Variants in ZFHX3 observed in about 807,000 individuals in gnomAD.
ZFHX3 encodes the protein zinc finger homeobox protein 3.
In ZFHX3, 42 loss-of-function variants were observed where a neutral mutation model predicts 279.1. That is an observed-to-expected ratio of 0.15 (90% CI 0.12 to 0.19). The LOEUF (loss-of-function observed/expected upper bound fraction) is 0.19. ZFHX3 is among the 10% of genes least tolerant of loss of function. ZFHX3 has a pLI of 1.00. For synonymous variants in ZFHX3, 2,293 were observed against 1,957.8 expected (o/e 1.17, Z -4.52); for missense variants, 4,981 against 4,754.0 (o/e 1.05, Z -1.40).
At chr16:73,439,062 G>A (rs545201372) in intron 3 of ZFHX3, among the ~76,000 whole-genome samples, 1 of 152,264 alleles carries the variant, frequency 6.6e-6, no homozygotes, top group African/African-American at 2.4e-5. Flanking sequence ...GATACAACCT[G>A]GGGGGTTTTT....
rs1211961054 is a variant in ZFHX3 at position 73,010,596 on chromosome 16, T to C, written c.-50+37156A>G. The stretch of plus-strand genomic sequence containing the variant: ...TGACCTGCAGAACCAGGTTACCTCA[T>C]CTCAGCCTCCTCCTCTCAGGGGAGC... On this transcript the variant is annotated intron_variant, in intron 1 of 9. Coordinates refer to ENST00000268489, the MANE Select transcript of ZFHX3 (RefSeq NM_006885.4). Among the ~76,000 whole-genome samples, 3 of 152,148 alleles carry C rather than the reference T, an allele frequency of 2.0e-5. No individual in the cohort carries two copies. The East Asian group carries it at 5.8e-4, about 29-fold the overall frequency.
intron 2 of ZFHX3, 50 bp from the exon 3 acceptor site, chr16:72,951,015 G>C: frequency 2.5e-6 from 4 of 1,576,740 alleles, no homozygotes; most frequent in Non-Finnish European, 3.5e-6. Flanking sequence ...TCATGGTCAC[G>C]GCCACAGCTG....
intron 1 of ZFHX3, among the ~76,000 whole-genome samples, chr16:73,002,949 C>A (rs1006403602): frequency 2.0e-5 from 3 of 152,132 alleles, no homozygotes; most frequent in Admixed American, 6.5e-5. Context: ...CTGGAAATAG[C>A]CATCAGTCAT....
intron 1 of ZFHX3, among the ~76,000 whole-genome samples, chr16:73,721,949 G>A (rs1163115328): frequency 6.6e-6 from 1 of 152,208 alleles, no homozygotes; most frequent in Non-Finnish European, 1.5e-5. Context: ...GGAGACTGAG[G>A]TGCAAGGACT....
At chr16:73,460,505 T>C (rs6564248) in intron 2 of ZFHX3, among the ~76,000 whole-genome samples, 100,823 of 152,066 alleles carry the variant, frequency 0.66, 33,824 homozygotes, top group Non-Finnish European at 0.72. Flanking sequence ...AGTGCAGTTG[T>C]AGGGTGGTGT....
At chr16:73,417,605 A>C (rs1333957597) in intron 3 of ZFHX3, among the ~76,000 whole-genome samples, 1 of 151,582 alleles carries the variant, frequency 6.6e-6, no homozygotes, top group Non-Finnish European at 1.5e-5. Context: ...TGAGGAATAC[A>C]CAGAAACTCT....
intron 5 of ZFHX3, among the ~76,000 whole-genome samples, chr16:73,209,460 G>A (rs577659613): frequency 7.9e-5 from 12 of 152,248 alleles, no homozygotes; most frequent in Admixed American, 6.5e-4. Context: ...CTTGAATGCC[G>A]CATCCTTTTA....
intron 1 of ZFHX3, among the ~76,000 whole-genome samples, chr16:73,692,834 GT>G (rs1439963597): frequency 9.2e-5 from 14 of 152,176 alleles, no homozygotes; most frequent in Non-Finnish European, 1.9e-4. Flanking sequence ...AAGAAACAAA[GT>G]TAACATCCAA....
chr16:73,854,727 C>CAAAAAAAA (rs60003447), intron 1 of ZFHX3, among the ~76,000 whole-genome samples: 1 of 59,518 alleles, frequency 1.7e-5, no homozygotes. Context: ...CCACCTTCCA[C>CAAAAAAAA]AAAAAAAAAA....
chr16:72,934,969 C>T (rs1960041166), intron 3 of ZFHX3, among the ~76,000 whole-genome samples: 1 of 152,120 alleles, frequency 6.6e-6, no homozygotes, highest in South Asian at 2.1e-4. Context: ...ATTTGTAAAA[C>T]AAAACAGAAT....
chr16:73,486,370 C>T (rs950230400), intron 2 of ZFHX3, among the ~76,000 whole-genome samples: 2 of 152,238 alleles, frequency 1.3e-5, no homozygotes, highest in Non-Finnish European at 2.9e-5. Context: ...AGGCCTGCTC[C>T]CACCCTGTGG....
In ZFHX3 at chr16:73,800,658, G is replaced by T. The variant is rs137925532; in HGVS notation, c.-1608+90993C>A. Among the ~76,000 whole-genome samples, 340 of 152,122 alleles carry T rather than the reference G, an allele frequency of 2.2e-3. 2 individuals are homozygous for T. The highest frequency in any genetic ancestry group is 7.7e-3 in the African/African-American group (320 of 41,492). On this transcript the variant is annotated intron_variant, in intron 1 of 17. Transcript: ENST00000641206. ...TAATGAAACATCAGGGCTCCTCCAA[G>T]ACCACAGCCCCTGGGGCTTTCTCAA...
At chr16:73,369,407 A>G (rs72799429) in intron 3 of ZFHX3, among the ~76,000 whole-genome samples, 15,853 of 152,288 alleles carry the variant, frequency 0.1, 876 homozygotes, top group Non-Finnish European at 0.13. Flanking sequence ...GAATCTTTGC[A>G]AATGCACAAA....
intron 1 of ZFHX3, among the ~76,000 whole-genome samples, chr16:73,728,819 A>G (rs1302203337): frequency 7.4e-6 from 1 of 135,458 alleles, no homozygotes; most frequent in East Asian, 2.0e-4. Context: ...CCCTACACAC[A>G]CACACACACA....
At chr16:73,221,276 A>G (rs551413007) in intron 5 of ZFHX3, among the ~76,000 whole-genome samples, 5 of 152,338 alleles carry the variant, frequency 3.3e-5, no homozygotes, top group Admixed American at 2.0e-4. Flanking sequence ...GCAAAAAAAT[A>G]CAAAGAAAAG....
chr16:73,457,963 A>T (rs1175278029), intron 2 of ZFHX3, among the ~76,000 whole-genome samples: 1 of 152,106 alleles, frequency 6.6e-6, no homozygotes, highest in Admixed American at 6.5e-5. Context: ...AGGGGCACTT[A>T]AGCTCAGGTG....
At chr16:73,423,337 A>T (rs2017752813) in intron 3 of ZFHX3, among the ~76,000 whole-genome samples, 1 of 152,150 alleles carries the variant, frequency 6.6e-6, no homozygotes, top group South Asian at 2.1e-4. Flanking sequence ...AGAGTGTTGG[A>T]GTCTTGGCTG....
At chr16:73,821,803 C>T (rs974576533) in intron 1 of ZFHX3, among the ~76,000 whole-genome samples, 1 of 152,196 alleles carries the variant, frequency 6.6e-6, no homozygotes, top group Non-Finnish European at 1.5e-5. Context: ...GGGTGCTGGG[C>T]TCAGTGGGAA....
intron 1 of ZFHX3, among the ~76,000 whole-genome samples, chr16:73,002,051 A>G (rs1268115467): frequency 6.6e-6 from 1 of 152,152 alleles, no homozygotes; most frequent in Non-Finnish European, 1.5e-5. Context: ...AAATAAAAGG[A>G]TACCAGATTG....
Sources: gnomAD v4.1 joint callset for allele counts (sites outside exome capture counted in the v4.1 genomes callset) on GRCh38, gnomAD v4.1.1 for gene constraint, MANE v1.5 for transcripts, NCBI Gene and HGNC (gene_info 2026-07-23, HGNC 2026-07-21) for gene names.